TBXAS1: variants seen among roughly 807,000 people sequenced by gnomAD.
The protein encoded by TBXAS1 is thromboxane A synthase 1.
TBXAS1 carries 48 observed loss-of-function variants against 60.7 expected under a neutral mutation model. The ratio of observed to expected loss-of-function variants is 0.79; its 90% CI spans 0.63 to 1.01. TBXAS1 has a LOEUF of 1.01. TBXAS1 is among the 50% of genes least tolerant of loss of function. The pLI is 0.00. For synonymous variants in TBXAS1, 287 were observed against 269.7 expected (o/e 1.06, Z -0.63); for missense variants, 685 against 686.3 (o/e 1.00, Z 0.02).
intron 1 of TBXAS1, among the ~76,000 whole-genome samples, chr7:139,866,800 A>G (rs1801449783): frequency 6.6e-6 from 1 of 151,956 alleles, no homozygotes; most frequent in African/African-American, 2.4e-5. Context: ...AAAAATATAG[A>G]GAGAGAATGT....
At chr7:139,791,079 C>T (rs1287175310) in intron 4 of TBXAS1, among the ~76,000 whole-genome samples, 3 of 152,220 alleles carry the variant, frequency 2.0e-5, no homozygotes, top group African/African-American at 7.2e-5. Context: ...GCTGGGATTA[C>T]AGGCATGAAC....
rs2116836025 is a variant in TBXAS1 at position 139,875,727 on chromosome 7, A to T, written c.236+90A>T. The stretch of plus-strand genomic sequence containing the variant: ...TTCACGTGTTGAACTGATATAGAAG[A>T]AATGCCAAGATTAGGAATGTTGTAT... On this transcript the variant is annotated intron_variant, in intron 3 of 12. Coordinates refer to ENST00000448866, the MANE Select transcript of TBXAS1 (RefSeq NM_001061.7). The T allele has an allele frequency of 3.4e-6, 5 of 1,475,552 alleles. No individual in the cohort carries two copies. In the South Asian group the frequency reaches 4.6e-5, roughly 14 times the overall value. 91.4% of individuals were successfully genotyped at this position (1,475,552 alleles called of 1,614,324 possible). A position where few individuals can be genotyped will look rare whatever the true frequency, so the allele number is the denominator to read the frequency against.
chr7:139,920,699 G>A (rs1410050253), intron 4 of TBXAS1, among the ~76,000 whole-genome samples: 2 of 152,150 alleles, frequency 1.3e-5, no homozygotes, highest in African/African-American at 4.8e-5. Context: ...CAGGGCCAAA[G>A]GATTCCTGTC....
At chr7:139,796,306 G>T (rs1488695350) in intron 4 of TBXAS1, among the ~76,000 whole-genome samples, 1 of 152,174 alleles carries the variant, frequency 6.6e-6, no homozygotes, top group African/African-American at 2.4e-5. Context: ...ATAGCATTCA[G>T]TGATAAAAAT....
At chr7:139,913,507 T>G (rs1324678825) in intron 4 of TBXAS1, 1 of 258,634 alleles carries the variant, frequency 3.9e-6, no homozygotes, top group Non-Finnish European at 7.8e-6. Context: ...TTTCCTCCCA[T>G]GATACCAGGA....
intron 4 of TBXAS1, among the ~76,000 whole-genome samples, chr7:139,799,556 A>G (rs182322977): frequency 4.7e-4 from 72 of 152,130 alleles, no homozygotes; most frequent in African/African-American, 1.7e-3. Flanking sequence ...GGTTTTTGTC[A>G]TGTTGCTCAG....
intron 1 of TBXAS1, among the ~76,000 whole-genome samples, chr7:139,850,968 C>A (rs142655608): frequency 2.0e-5 from 3 of 152,146 alleles, no homozygotes; most frequent in African/African-American, 7.2e-5. Context: ...AGGATAATTT[C>A]TGTTGTTTTA....
intron 7 of TBXAS1, 195 bp from the exon 8 acceptor site, chr7:139,957,439 G>T (rs776187111): frequency 1.5e-6 from 1 of 664,368 alleles, no homozygotes; most frequent in Non-Finnish European, 2.7e-6. Context: ...CTTACTATGT[G>T]CCAGGAATGG....
intron 4 of TBXAS1, among the ~76,000 whole-genome samples, chr7:139,919,360 G>A (rs918136773): frequency 1.3e-5 from 2 of 152,184 alleles, no homozygotes. Flanking sequence ...GCATAAACAA[G>A]TTGGCTCTCT....
intron 10 of TBXAS1, among the ~76,000 whole-genome samples, chr7:140,010,016 TCCACACCCGCC>T (rs1332025808): frequency 2.6e-5 from 1 of 39,040 alleles, no homozygotes; most frequent in Non-Finnish European, 5.0e-5. Context: ...TCACACCCGC[TCCACACCCGCC>T]CCACACCTCC....
chr7:139,860,048 A>G (rs1208369888), intron 1 of TBXAS1, among the ~76,000 whole-genome samples: 1 of 152,198 alleles, frequency 6.6e-6, no homozygotes, highest in Non-Finnish European at 1.5e-5. Context: ...CTGAGGCATG[A>G]GGCTTGAACC....
At chr7:139,905,821 T>C (rs995318385) in intron 3 of TBXAS1, among the ~76,000 whole-genome samples, 3 of 152,214 alleles carry the variant, frequency 2.0e-5, no homozygotes, top group Non-Finnish European at 2.9e-5. Context: ...TAACAGTGTC[T>C]TTGAAAGGGC....
chr7:139,785,450 T>A (rs1757366450), intron 3 of TBXAS1, among the ~76,000 whole-genome samples: 1 of 146,534 alleles, frequency 6.8e-6, no homozygotes, highest in African/African-American at 2.6e-5. Flanking sequence ...GCAGGTCAAC[T>A]GCCAGGACCC....
intron 2 of TBXAS1, among the ~76,000 whole-genome samples, chr7:139,872,887 C>T (rs111412691): frequency 3.9e-5 from 6 of 152,238 alleles, no homozygotes; most frequent in African/African-American, 1.4e-4. Context: ...CCCATTTCCC[C>T]CAAACCCCAT....
In TBXAS1 at chr7:139,780,676, G is replaced by A. The variant is rs554177811; in HGVS notation, c.-317-64G>A. ...GACACATAGTAGGGGTTCAATAAAA[G>A]TTATTATTATTCTAACTCCTCCCTC... On this transcript the variant is annotated intron_variant, in intron 1 of 16. Transcript: ENST00000336425. 17 of 154,330 alleles carry A rather than the reference G, an allele frequency of 1.1e-4. No individual in the cohort carries two copies. In the South Asian group the frequency reaches 3.3e-3, roughly 30 times the overall value. The allele number at this position is 154,330 out of a possible 1,614,324, so 9.6% of individuals were successfully genotyped here.
At chr7:139,952,593 G>C in intron 5 of TBXAS1, 1 of 1,537,196 alleles carries the variant, frequency 6.5e-7, no homozygotes, top group Non-Finnish European at 8.7e-7. Flanking sequence ...AGGTCACATG[G>C]GTGGCCAGCA....
upstream of TBXAS1, among the ~76,000 whole-genome samples, chr7:139,826,122 C>A (rs1392881629): frequency 6.6e-6 from 1 of 152,196 alleles, no homozygotes; most frequent in African/African-American, 2.4e-5. Flanking sequence ...AGTCACCCTC[C>A]ATGCCACCCC....
chr7:139,909,224 T>G (rs535413483), intron 3 of TBXAS1, among the ~76,000 whole-genome samples: 13 of 152,332 alleles, frequency 8.5e-5, no homozygotes, highest in African/African-American at 3.1e-4. Context: ...TTTGCAAAAT[T>G]CAGAAATTTT....
intron 10 of TBXAS1, among the ~76,000 whole-genome samples, chr7:140,008,083 T>C (rs1284607134): frequency 1.3e-5 from 2 of 152,216 alleles, no homozygotes; most frequent in African/African-American, 2.4e-5. Context: ...CACTCAACAC[T>C]TTTATGAATT....
Sources: gnomAD v4.1 joint callset for allele counts (sites outside exome capture counted in the v4.1 genomes callset) on GRCh38, gnomAD v4.1.1 for gene constraint, MANE v1.5 for transcripts, NCBI Gene and HGNC (gene_info 2026-07-23, HGNC 2026-07-21) for gene names.